VAC14: variants seen among roughly 807,000 people sequenced by gnomAD.
VAC14 encodes protein VAC14 homolog.
VAC14 carries 47 observed loss-of-function variants against 85.3 expected under a neutral mutation model. That is an observed-to-expected ratio of 0.55 (90% CI 0.44 to 0.70). The LOEUF (loss-of-function observed/expected upper bound fraction) is 0.70, where lower values mean the gene tolerates loss of function less well. Among genes scored for constraint, VAC14 ranks in the 30% least tolerant of loss-of-function variants. The pLI is 0.00. For missense variants in VAC14, 861 were observed against 1,004.3 expected, an observed-to-expected ratio of 0.86 and a Z score of 1.93; for synonymous variants, 447 against 430.5, an observed-to-expected ratio of 1.04 and a Z score of -0.47.
chr16:70,727,945 C>G (rs1263289280), intron 14 of VAC14, among the ~76,000 whole-genome samples: 1 of 152,150 alleles, frequency 6.6e-6, no homozygotes, highest in Non-Finnish European at 1.5e-5. Flanking sequence ...CGCCAGGATG[C>G]ACATTGACAG....
chr16:70,689,280 G>T (rs763220586), intron 18 of VAC14: 537 of 985,504 alleles, frequency 5.4e-4, no homozygotes, highest in Non-Finnish European at 6.1e-4. Context: ...CCCAGCTTAG[G>T]TATCTGGCAG....
At chr16:70,766,899 G>C (rs529549666) in intron 10 of VAC14, among the ~76,000 whole-genome samples, 13 of 152,270 alleles carry the variant, frequency 8.5e-5, no homozygotes, top group African/African-American at 2.9e-4. Context: ...CTTCCTAGAG[G>C]GCACACTGCA....
At chr16:70,722,223 G>C (rs2054311673) in intron 14 of VAC14, among the ~76,000 whole-genome samples, 1 of 152,226 alleles carries the variant, frequency 6.6e-6, no homozygotes, top group Admixed American at 6.5e-5. Context: ...CCCCGCCTGG[G>C]CTATGAAGTG....
intron 10 of VAC14, chr16:70,769,285 C>T (rs757238256): frequency 6.4e-6 from 1 of 156,050 alleles, no homozygotes; most frequent in Non-Finnish European, 1.4e-5. Flanking sequence ...CCTGGGCAGA[C>T]CTGAACTGAG....
At chr16:70,717,791 C>T (rs1054970468) in intron 14 of VAC14, among the ~76,000 whole-genome samples, 2 of 152,156 alleles carry the variant, frequency 1.3e-5, no homozygotes, top group African/African-American at 2.4e-5. Flanking sequence ...AGACCACAGG[C>T]GCATGCCACC....
intron 1 of VAC14, among the ~76,000 whole-genome samples, chr16:70,790,245 G>A (rs1171877932): frequency 6.6e-6 from 1 of 152,218 alleles, no homozygotes; most frequent in Non-Finnish European, 1.5e-5. Flanking sequence ...CAGCATTGTA[G>A]ACGGGTTTTG....
At chr16:70,763,727 T>C (rs575669882) in intron 10 of VAC14, among the ~76,000 whole-genome samples, 1 of 152,224 alleles carries the variant, frequency 6.6e-6, no homozygotes, top group South Asian at 2.1e-4. Context: ...GTTCAGGAGG[T>C]ACTTTTGTTC....
chr16:70,693,702 G>C (rs1246212166), intron 17 of VAC14, among the ~76,000 whole-genome samples: 2 of 152,228 alleles, frequency 1.3e-5, no homozygotes, highest in African/African-American at 2.4e-5. Context: ...GCACAGGGGA[G>C]GTGGGATTGG....
intron 14 of VAC14, among the ~76,000 whole-genome samples, chr16:70,724,000 C>T (rs2142999652): frequency 6.6e-6 from 1 of 152,250 alleles, no homozygotes; most frequent in Non-Finnish European, 1.5e-5. Flanking sequence ...ACATGGCCAC[C>T]TCTTGCCAAG....
intron 12 of VAC14, among the ~76,000 whole-genome samples, chr16:70,745,815 C>T (rs79168975): frequency 0.024 from 3,150 of 133,000 alleles, 91 homozygotes; most frequent in African/African-American, 0.076. Flanking sequence ...CCAAGAATAA[C>T]GACGGCAACC....
At chr16:70,691,242 G>A (rs1013304659) in intron 18 of VAC14, 8 of 985,346 alleles carry the variant, frequency 8.1e-6, no homozygotes, top group Admixed American at 1.2e-4. Context: ...TCGGAGACCC[G>A]GGAGAGGCTG....
chr16:70,763,824 G>C (rs182967160), intron 10 of VAC14, among the ~76,000 whole-genome samples: 1 of 152,238 alleles, frequency 6.6e-6, no homozygotes, highest in Admixed American at 6.5e-5. Flanking sequence ...GGGACAGCGG[G>C]TGCTGCTGGG....
intron 13 of VAC14, 71 bp from the exon 14 acceptor site, chr16:70,731,698 A>ATAT (rs779259958): frequency 3.5e-5 from 52 of 1,498,294 alleles, no homozygotes; most frequent in Admixed American, 8.2e-5. Flanking sequence ...TCCACACAGA[A>ATAT]TATAAACAAC....
chr16:70,792,612 A>G (rs1188476002), intron 1 of VAC14, among the ~76,000 whole-genome samples: 1 of 152,180 alleles, frequency 6.6e-6, no homozygotes, highest in Non-Finnish European at 1.5e-5. Flanking sequence ...GGCCAACATC[A>G]TGCTCTTGAC....
chr16:70,715,225 CG>C (rs1441217046), intron 14 of VAC14: 1 of 152,318 alleles, frequency 6.6e-6, no homozygotes, highest in Non-Finnish European at 1.5e-5. Context: ...ACTCCTTCCC[CG>C]ACCAGTTCCT....
intron 13 of VAC14, among the ~76,000 whole-genome samples, chr16:70,742,908 C>T (rs534661953): frequency 8.6e-4 from 131 of 152,394 alleles, no homozygotes; most frequent in Non-Finnish European, 1.8e-3. Flanking sequence ...GAGAACTTTT[C>T]TGTCTAGCTA....
At chr16:70,774,831 C>T (rs1359065688) in intron 9 of VAC14, among the ~76,000 whole-genome samples, 5 of 151,400 alleles carry the variant, frequency 3.3e-5, no homozygotes, top group Admixed American at 1.3e-4. Context: ...CTGTAACCTC[C>T]GCCTCCCGGG....
chr16:70,713,077 T>C (rs1265568215), intron 14 of VAC14, among the ~76,000 whole-genome samples: 1 of 152,196 alleles, frequency 6.6e-6, no homozygotes, highest in Non-Finnish European at 1.5e-5. Context: ...AAGGCGTATG[T>C]TTCATCTAAA....
intron 14 of VAC14, among the ~76,000 whole-genome samples, chr16:70,726,515 T>C (rs2054433184): frequency 6.6e-6 from 1 of 152,228 alleles, no homozygotes; most frequent in African/African-American, 2.4e-5. Context: ...GCCATTTATA[T>C]AACCCCACCA....
Sources: allele counts gnomAD v4.1 joint callset (sites outside exome capture counted in the v4.1 genomes callset), GRCh38; gene constraint gnomAD v4.1.1; transcripts MANE v1.5; gene names NCBI Gene and HGNC (gene_info 2026-07-23, HGNC 2026-07-21).